IRAG1: variants seen among roughly 807,000 people sequenced by gnomAD.
IRAG1 encodes the protein inositol 1,4,5-triphosphate receptor associated 1, also known as IP3R-associated cGMP kinase substrate.
IRAG1 carries 62 observed loss-of-function variants against 106.2 expected under a neutral mutation model. That is an observed-to-expected ratio of 0.58 (90% CI 0.48 to 0.72). The LOEUF is 0.72. Ranked by LOEUF, IRAG1 falls within the 30% of genes least tolerant of loss-of-function variation. IRAG1 has a pLI of 0.00. For synonymous variants in IRAG1, 462 were observed against 443.9 expected (o/e 1.04, Z -0.51); for missense variants, 1,064 against 1,140.7 (o/e 0.93, Z 0.97).
At chr11:10,582,628 C>T (rs982163762) in intron 18 of IRAG1, among the ~76,000 whole-genome samples, 1 of 152,172 alleles carries the variant, frequency 6.6e-6, no homozygotes, top group Admixed American at 6.5e-5. Flanking sequence ...AGTTGAAGCA[C>T]AGGCCTGAAG....
At chr11:10,669,369 A>T (rs1012870532) in intron 1 of IRAG1, among the ~76,000 whole-genome samples, 2 of 152,130 alleles carry the variant, frequency 1.3e-5, no homozygotes, top group Non-Finnish European at 2.9e-5. Flanking sequence ...GACTCCCTGG[A>T]GTTCTAGCCA....
chr11:10,654,577 G>A (rs909227302), intron 1 of IRAG1, among the ~76,000 whole-genome samples: 1 of 152,186 alleles, frequency 6.6e-6, no homozygotes, highest in Non-Finnish European at 1.5e-5. Flanking sequence ...AGGGGCTGGT[G>A]ACATAAAGAT....
intron 18 of IRAG1, among the ~76,000 whole-genome samples, chr11:10,588,843 T>A (rs1852324834): frequency 6.6e-6 from 1 of 152,226 alleles, no homozygotes; most frequent in African/African-American, 2.4e-5. Context: ...TGCAAGCTCC[T>A]TGAGTACATT....
intron 12 of IRAG1, among the ~76,000 whole-genome samples, chr11:10,605,341 T>G (rs1054788755): frequency 6.6e-6 from 1 of 152,214 alleles, no homozygotes; most frequent in Non-Finnish European, 1.5e-5. Flanking sequence ...CCACAGGGGC[T>G]TCTGAAGTTC....
chr11:10,594,980 A>C lies in IRAG1; in HGVS notation c.2018-785T>G, dbSNP rs373595521. Among the ~76,000 whole-genome samples the C allele has an allele frequency of 2.4e-4, 37 of 152,238 alleles. No individual in the cohort carries two copies. In the East Asian group the frequency reaches 4.1e-3, roughly 17 times the overall value. On this transcript the variant is annotated intron_variant, in intron 15 of 20. Transcript: ENST00000423302. The stretch of plus-strand genomic sequence containing the variant: ...CACTCTGTCACGTAGGCTGGAGTGC[A>C]GTGGCACGATCTTGGTTCACTGCAA...
chr11:10,595,387 G>A (rs1033685238), intron 15 of IRAG1, among the ~76,000 whole-genome samples: 14 of 151,886 alleles, frequency 9.2e-5, no homozygotes, highest in African/African-American at 3.1e-4. Flanking sequence ...CCTCCCACCT[G>A]ACACTTTTGT....
chr11:10,593,282 G>A, intron 17 of IRAG1: 1 of 427,370 alleles, frequency 2.3e-6, no homozygotes, highest in East Asian at 4.2e-5. Context: ...CCAACACCAT[G>A]CTGAGGGCAG....
At chr11:10,638,825 A>C (rs1016599003) in intron 2 of IRAG1, among the ~76,000 whole-genome samples, 2 of 152,250 alleles carry the variant, frequency 1.3e-5, no homozygotes, top group African/African-American at 2.4e-5. Context: ...TTCTGAAAAA[A>C]TAATTGTGGT....
At chr11:10,611,932 T>C (rs970341757) in intron 10 of IRAG1, among the ~76,000 whole-genome samples, 6 of 138,030 alleles carry the variant, frequency 4.3e-5, no homozygotes, top group African/African-American at 1.5e-4. Flanking sequence ...GCCTGCCATT[T>C]TGCTTTTCTT....
chr11:10,680,532 GAA>G (rs1278964037), intron 1 of IRAG1, among the ~76,000 whole-genome samples: 3 of 89,530 alleles, frequency 3.4e-5, no homozygotes, highest in South Asian at 4.0e-4. Context: ...AGAAAGGAAG[GAA>G]GGAAGGGGAA....
chr11:10,622,797 C>T (rs891196306), intron 10 of IRAG1, among the ~76,000 whole-genome samples: 3 of 151,770 alleles, frequency 2.0e-5, no homozygotes, highest in Non-Finnish European at 4.4e-5. Context: ...CCCCCTGCCA[C>T]ATCTCATACA....
rs773584708 is a variant in IRAG1, at chr11:10,626,116, C to T, written c.1218G>A (p.Leu406=). 6.5e-7 allele frequency: 1 copy of T among 1,544,790 alleles called. No homozygotes were observed. Among genetic ancestry groups the T allele is most frequent in the Non-Finnish European group, 8.7e-7 (1 of 1,145,104 alleles). ...DSGPEEPGPR[L]QKVLAKLPLA... ...GTGGCAGCTTGGCAAGCACTTTCTG[C>T]AGCCGGGGGCCAGGTTCTTCAGGGC... is the stretch of plus-strand genomic sequence containing the variant. The change falls in exon 9 of 21, where the codon CTG becomes CTA. Residue 406 remains leucine (L), a synonymous_variant. Transcript: ENST00000423302.
intron 1 of IRAG1, among the ~76,000 whole-genome samples, chr11:10,680,369 G>GAAAGA (rs1165670087): frequency 1.7e-5 from 1 of 58,130 alleles, no homozygotes; most frequent in African/African-American, 1.0e-4. Flanking sequence ...AAGAAAGAAA[G>GAAAGA]AAGGAAGGAA....
rs1375130747 is a variant in IRAG1 at position 10,647,395 on chromosome 11, G to T, written c.225+4630C>A. On this transcript the variant is annotated intron_variant, in intron 2 of 20. Transcript: ENST00000423302. This position sits in a 1 kb window ranked among gnomAD's most constrained non-coding sequence, Gnocchi z 4.3. ...TGTTAAATGAGTTAATATGGTAGAC[G>T]AGTATCTGGCACAGGGTTAGCTATT... Among the ~76,000 whole-genome samples the T allele has an allele frequency of 6.6e-6, 1 of 152,196 alleles. No homozygotes were observed. Among genetic ancestry groups the T allele is most frequent in the South Asian group, 2.1e-4 (1 of 4,830 alleles).
intron 1 of IRAG1, among the ~76,000 whole-genome samples, chr11:10,663,907 T>C (rs1340205853): frequency 3.3e-5 from 5 of 152,184 alleles, no homozygotes; most frequent in African/African-American, 1.2e-4. Flanking sequence ...ACAAGCAAAG[T>C]GACTCGCTCT....
At chr11:10,601,125 C>T (rs1330104656) in intron 14 of IRAG1, 66 bp from the exon 15 acceptor site, 3 of 1,598,462 alleles carry the variant, frequency 1.9e-6, no homozygotes, top group Non-Finnish European at 2.6e-6. Flanking sequence ...CACTTATTTG[C>T]TCTGACCTAG....
chr11:10,658,364 A>T (rs573820256), intron 1 of IRAG1: 18 of 152,428 alleles, frequency 1.2e-4, no homozygotes, highest in African/African-American at 4.1e-4. Context: ...TCATTTGAAA[A>T]TGGAGGTAAT....
At chr11:10,629,342 G>T (rs541074363) in intron 5 of IRAG1, among the ~76,000 whole-genome samples, 196 bp downstream of exon 5, 1 of 152,220 alleles carries the variant, frequency 6.6e-6, no homozygotes, top group African/African-American at 2.4e-5. Flanking sequence ...TCCCCAGAGG[G>T]CCTAGGATCC....
chr11:10,674,494 TC>T (rs769104385), intron 1 of IRAG1, among the ~76,000 whole-genome samples: 1 of 152,158 alleles, frequency 6.6e-6, no homozygotes, highest in African/African-American at 2.4e-5. Flanking sequence ...CAGTACTCTT[TC>T]CCCCTCATCG....
Sources: allele counts gnomAD v4.1 joint callset (sites outside exome capture counted in the v4.1 genomes callset), GRCh38; gene constraint gnomAD v4.1.1; non-coding constraint Gnocchi (gnomAD v3.1); transcripts MANE v1.5; gene names NCBI Gene and HGNC (gene_info 2026-07-23, HGNC 2026-07-21).